KALRN: variants seen among roughly 807,000 people sequenced by gnomAD.
KALRN encodes kalirin RhoGEF kinase.
KALRN carries 70 observed loss-of-function variants against 353.7 expected under a neutral mutation model. The ratio of observed to expected loss-of-function variants is 0.20; its 90% CI spans 0.16 to 0.24. KALRN has a LOEUF of 0.24. Ranked by LOEUF, KALRN falls within the 10% of genes least tolerant of loss-of-function variation. KALRN has a pLI of 1.00. For synonymous variants in KALRN, 1,391 were observed against 1,434.8 expected (o/e 0.97, Z 0.69); for missense variants, 2,791 against 3,756.7 (o/e 0.74, Z 6.72).
intron 5 of KALRN, among the ~76,000 whole-genome samples, chr3:124,276,210 A>G (rs1433669991): frequency 6.6e-6 from 1 of 151,948 alleles, no homozygotes; most frequent in Non-Finnish European, 1.5e-5. Flanking sequence ...AATCACCATG[A>G]GAAAATCTAC....
At chr3:124,265,295 A>ATTTTTT (rs1465968614) in intron 4 of KALRN, among the ~76,000 whole-genome samples, 1 of 61,090 alleles carries the variant, frequency 1.6e-5, no homozygotes, top group Non-Finnish European at 3.5e-5. Flanking sequence ...TTAAGAAAAT[A>ATTTTTT]TTCTTTTTTT....
At chr3:124,088,174 A>G (rs1420734866) in intron 1 of KALRN, among the ~76,000 whole-genome samples, 1 of 152,074 alleles carries the variant, frequency 6.6e-6, no homozygotes, top group African/African-American at 2.4e-5. Context: ...TCGGGATGCC[A>G]AATAATTGTT....
rs547659632 is a variant in KALRN at position 124,303,570 on chromosome 3, C to T, written c.1092+4657C>T. Among the ~76,000 whole-genome samples, 4 of 152,312 alleles carry T rather than the reference C, an allele frequency of 2.6e-5. No individual in the cohort carries two copies. In the South Asian group the frequency reaches 6.2e-4, roughly 24 times the overall value. On this transcript the variant is annotated intron_variant, in intron 6 of 59. Transcript: ENST00000682506. ...CTATGTTCTGGTTCTTCATGCGACT[C>T]GCAGGAGTACATGCAAACGTAACAC...
chr3:124,231,470 A>G (rs543943364), intron 2 of KALRN, among the ~76,000 whole-genome samples: 40 of 152,072 alleles, frequency 2.6e-4, no homozygotes, highest in Middle Eastern at 6.8e-3. Context: ...ATTGGTTTCC[A>G]CCGTTCCCAG....
At chr3:124,519,702 C>T (rs2067003902) in intron 33 of KALRN, 1 of 985,424 alleles carries the variant, frequency 1.0e-6, no homozygotes, top group South Asian at 4.7e-5. Context: ...TCTGGAATTG[C>T]ACCTGGCTCA....
intron 8 of KALRN, among the ~76,000 whole-genome samples, chr3:124,333,714 C>T (rs769245869): frequency 5.9e-5 from 9 of 152,034 alleles, no homozygotes; most frequent in Non-Finnish European, 1.2e-4. Flanking sequence ...ATGGTGAAAC[C>T]CCGTCTCTAC....
At chr3:124,226,978 C>T (rs189312230) in intron 1 of KALRN, among the ~76,000 whole-genome samples, 12 of 152,198 alleles carry the variant, frequency 7.9e-5, no homozygotes, top group Admixed American at 5.9e-4. Context: ...AGTTATAGCT[C>T]GAATCGCTGT....
At chr3:124,116,528 C>T (rs959006425) in intron 1 of KALRN, among the ~76,000 whole-genome samples, 4 of 152,146 alleles carry the variant, frequency 2.6e-5, no homozygotes, top group Non-Finnish European at 2.9e-5. Flanking sequence ...TCTAGCTTTT[C>T]TTATCTTAAG....
chr3:124,678,548 T>C (rs568601323), intron 50 of KALRN: 3 of 380,778 alleles, frequency 7.9e-6, no homozygotes, highest in African/African-American at 2.0e-5. Context: ...CCTTTCTCTT[T>C]ATACTGTGCA....
chr3:124,241,527 A>G (rs1267720609), intron 3 of KALRN, among the ~76,000 whole-genome samples: 1 of 152,234 alleles, frequency 6.6e-6, no homozygotes, highest in Admixed American at 6.5e-5. Context: ...TTTAGAATAA[A>G]TATCATAATT....
intron 33 of KALRN, among the ~76,000 whole-genome samples, chr3:124,540,949 T>G (rs2068965894): frequency 6.6e-6 from 1 of 152,162 alleles, no homozygotes; most frequent in African/African-American, 2.4e-5. Context: ...GACTGTCACC[T>G]CTTTAGCACA....
intron 6 of KALRN, among the ~76,000 whole-genome samples, chr3:124,315,073 A>G (rs1275905854): frequency 6.6e-6 from 1 of 152,094 alleles, no homozygotes; most frequent in Admixed American, 6.5e-5. Context: ...ACTAGGCCCT[A>G]CCTCCAACAT....
intron 34 of KALRN, among the ~76,000 whole-genome samples, chr3:124,564,995 G>C (rs2072619212): frequency 6.6e-6 from 1 of 152,254 alleles, no homozygotes; most frequent in African/African-American, 2.4e-5. Context: ...GGAAGATGGG[G>C]ACGAGGGTCA....
At position 124,688,396 on chromosome 3, in the gene KALRN, G is replaced by A. The variant is rs535168987; in HGVS notation, c.7378-5408G>A. ...TCCAGTTTGGCCAGATTGAAAACAC[G>A]AAGGGTTAAACCTTCAAACCCTACT... On this transcript the variant is annotated intron_variant, in intron 51 of 59. Coordinates refer to ENST00000682506, the MANE Select transcript of KALRN (RefSeq NM_001388419.1). Among the ~76,000 whole-genome samples the A allele has an allele frequency of 6.5e-4, 98 of 150,716 alleles. 1 individual carries two copies. The highest frequency in any genetic ancestry group is 2.0e-3 in the African/African-American group (84 of 41,102).
rs576540351 is a variant in KALRN, at chr3:124,136,522, T to C, written c.74-91468T>C. On this transcript the variant is annotated intron_variant, in intron 1 of 59. Coordinates refer to ENST00000682506, the MANE Select transcript of KALRN (RefSeq NM_001388419.1). ...CCATTGATTGGAATCAGGATTTGAA[T>C]ACTGGCCTACCAGGTAGCAAATAGG... Among the ~76,000 whole-genome samples the C allele has an allele frequency of 2.0e-5, 3 of 152,272 alleles. No individual in the cohort carries two copies. In the South Asian group the frequency reaches 6.2e-4, roughly 32 times the overall value.
Position 124,033,933 on chromosome 3 carries a change from C to T in KALRN, c.73+120C>T, listed in dbSNP as rs2039138857. ...GCGTGCGTGTTGGGGGGCAGTGCCC[C>T]CTCGGCGTCGGGGCTGGAGTTGCCG... is the stretch of plus-strand genomic sequence containing the variant. On this transcript the variant is annotated intron_variant, in intron 1 of 59. Coordinates refer to ENST00000682506, the MANE Select transcript of KALRN (RefSeq NM_001388419.1). The surrounding 1 kb of genome is among the most constrained non-coding windows in gnomAD (Gnocchi z 6.2). Among the ~76,000 whole-genome samples the T allele has an allele frequency of 1.3e-5, 2 of 152,262 alleles. No homozygotes were observed. The highest frequency in any genetic ancestry group is 3.9e-4 in the East Asian group (2 of 5,142).
intron 3 of KALRN, among the ~76,000 whole-genome samples, chr3:124,257,170 A>G (rs199746872): frequency 5.6e-5 from 8 of 142,652 alleles, no homozygotes; most frequent in Non-Finnish European, 8.9e-5. Flanking sequence ...TTGTTACTCT[A>G]TCTATTTGTG....
Position 124,449,863 on chromosome 3 carries a change from G to T in KALRN, c.3552+2978G>T, listed in dbSNP as rs182412301. ...CTTTCAGGATTCATCCATGCTATTC[G>T]CATGTATCAATCCTTTTGTCCTATT... On this transcript the variant is annotated intron_variant, in intron 21 of 59. Coordinates refer to ENST00000682506, the MANE Select transcript of KALRN (RefSeq NM_001388419.1). Among the ~76,000 whole-genome samples, 75 of 59,990 alleles carry T rather than the reference G, an allele frequency of 1.3e-3. 3 individuals carry two copies. The highest frequency in any genetic ancestry group is 6.5e-3 in the East Asian group (31 of 4,756). The allele number at this position is 59,990 out of a possible 152,430, so 39.4% of individuals were successfully genotyped here.
At chr3:124,497,443 T>C (rs1292892906) in intron 33 of KALRN, among the ~76,000 whole-genome samples, 1 of 152,160 alleles carries the variant, frequency 6.6e-6, no homozygotes, top group Non-Finnish European at 1.5e-5. Context: ...ATTTTTCCTA[T>C]TTTTTCTTGC....
Sources: allele counts gnomAD v4.1 joint callset (sites outside exome capture counted in the v4.1 genomes callset), GRCh38; gene constraint gnomAD v4.1.1; non-coding constraint Gnocchi (gnomAD v3.1); transcripts MANE v1.5; gene names NCBI Gene and HGNC (gene_info 2026-07-23, HGNC 2026-07-21).